ZBTB18: variants seen among roughly 807,000 people sequenced by gnomAD.
ZBTB18 encodes zinc finger and BTB domain-containing protein 18.
In ZBTB18, 2 loss-of-function variants were observed where a neutral mutation model predicts 37.7. The observed-to-expected ratio is 0.05, with a 90% CI of 0.02 to 0.17. The LOEUF is 0.17. Among genes scored for constraint, ZBTB18 ranks in the 10% least tolerant of loss-of-function variants. ZBTB18 has a pLI of 1.00. For missense variants in ZBTB18, 408 were observed against 686.3 expected (o/e 0.59, Z 4.53); for synonymous variants, 304 against 276.5 (o/e 1.10, Z -0.99).
At chr1:244,049,568 C>G (rs926049730), upstream of ZBTB18, among the ~76,000 whole-genome samples, 1 of 152,130 alleles carries the variant, frequency 6.6e-6, no homozygotes, top group Non-Finnish European at 1.5e-5. Context: ...CTCCCGCTGG[C>G]TGCTTCTTAC....
chr1:244,055,489 CTTGTTT>C lies in ZBTB18; in HGVS notation c.*123_*128del, dbSNP rs1698445573. 3.4e-6 allele frequency: 1 copy of C among 291,462 alleles called. No individual in the cohort carries two copies. The highest frequency in any genetic ancestry group is 2.3e-5 in the African/African-American group (1 of 44,260). The allele number at this position is 291,462 out of a possible 1,614,324, so 18.1% of individuals were successfully genotyped here. ...TGGAAATAAAAAGTTGGGATATTAA[CTTGTTT>C]TTGCACTTTAGAATAGCATGAGAAT... On this transcript the variant is annotated 3_prime_UTR_variant, in exon 2 of 2. Transcript: ENST00000358704. The surrounding 1 kb of genome is among the most constrained non-coding windows in gnomAD (Gnocchi z 7.0).
rs1317086567 is a variant in ZBTB18, at chr1:244,056,911, C to T, written c.*1541C>T. The T allele has an allele frequency of 6.0e-6, 1 of 166,856 alleles. No homozygotes were observed. Among genetic ancestry groups the T allele is most frequent in the Non-Finnish European group, 1.5e-5 (1 of 68,084 alleles). The allele number at this position is 166,856 out of a possible 1,614,324, so 10.3% of individuals were successfully genotyped here. ...AGGTCTATGGGAGTAGCATGGAAAA[C>T]GTTTGCTGTTTTTCCCTTTTTTTTT... On this transcript the variant is annotated 3_prime_UTR_variant, in exon 2 of 2. Transcript: ENST00000358704.
rs754255213 is a variant in ZBTB18 at position 244,055,025 on chromosome 1, C to T, written c.1251C>T (p.Asn417=). The change falls in exon 2 of 2, where the codon AAC becomes AAT. Residue 417 remains asparagine (N), a synonymous_variant. Coordinates refer to ENST00000358704, the MANE Select transcript of ZBTB18 (RefSeq NM_205768.3). This position sits in a 1 kb window ranked among gnomAD's most constrained non-coding sequence, Gnocchi z 7.0. ...GCAGCAAGCCCGCCGCCGATGTCAA[C>T]GTGCCCACGTGCTCGCTGTGTGGGA... is the stretch of plus-strand genomic sequence containing the variant. The part of the protein sequence containing the change: ...GIRSKPAADV[N]VPTCSLCGKT... 1.8e-5 allele frequency: 29 copies of T among 1,614,106 alleles called. No homozygotes were observed. The highest frequency in any genetic ancestry group is 1.6e-4 in the Middle Eastern group (1 of 6,084).
At chr1:244,048,856 G>C (rs1698288467), upstream of ZBTB18, 1 of 147,742 alleles carries the variant, frequency 6.8e-6, no homozygotes, top group Non-Finnish European at 1.5e-5. Flanking sequence ...TTGGGGGGTG[G>C]GGGGGCCGGG....
chr1:244,051,530 C>G, intron 1 of ZBTB18, 86 bp downstream of exon 1: 2 of 1,509,412 alleles, frequency 1.3e-6, no homozygotes, highest in Non-Finnish European at 1.8e-6. Context: ...ACTTTTCTAA[C>G]CCAGTTTAGG....
rs768630748 is a variant in ZBTB18, at chr1:244,053,864, T to G, written c.90T>G (p.Gly30=). The G allele has an allele frequency of 3.3e-5, 53 of 1,613,896 alleles. No homozygotes were observed. The highest frequency in any genetic ancestry group is 4.4e-5 in the Non-Finnish European group (52 of 1,180,006). Residue 30 remains glycine, a synonymous_variant, in exon 2 of 2, where the codon GGT becomes GGG. Coordinates refer to ENST00000358704, the MANE Select transcript of ZBTB18 (RefSeq NM_205768.3). The surrounding 1 kb of genome is among the most constrained non-coding windows in gnomAD (Gnocchi z 5.2). ...GTCTGAGCGAGCAGAGACACCAGGG[T>G]TTTCTTTGTGACTGCACTGTTCTGG... ...LQCLSEQRHQ[G]FLCDCTVLVG... is the part of the protein sequence containing the mutation.
rs1392132703 is a variant in ZBTB18, at chr1:244,057,074, T to G, written c.*1704T>G. 1 of 167,076 alleles carries G rather than the reference T, an allele frequency of 6.0e-6. No homozygotes were observed. Among genetic ancestry groups the G allele is most frequent in the African/African-American group, 2.4e-5 (1 of 41,462 alleles). The allele number at this position is 167,076 out of a possible 1,614,324, so 10.3% of individuals were successfully genotyped here. On this transcript the variant is annotated 3_prime_UTR_variant, in exon 2 of 2. Transcript: ENST00000358704. ...ATATTTGGTTAAATGTGTGTTAATT[T>G]GGCTGTAATGGCATTTAAAGCAAAC... is the stretch of plus-strand genomic sequence containing the variant.
chr1:244,054,243 A>T lies in ZBTB18; in HGVS notation c.469A>T (p.Ser157Cys), dbSNP rs1461567473. ...SDKVESLSDG[S>C]SHIAGDLPSD... ...CAAAGTCGAGAGTCTCTCCGATGGC[A>T]GCAGCCACATAGCAGGCGATTTGCC... Residue 157 changes from serine (S) to cysteine (C), a missense_variant, in exon 2 of 2, where the codon AGC becomes TGC. Around this residue, in one of 4 missense-constraint regions of ZBTB18, gnomAD observed 95 missense variants for 218.7 expected, o/e 0.43. Coordinates refer to ENST00000358704, the MANE Select transcript of ZBTB18 (RefSeq NM_205768.3). The surrounding 1 kb of genome is among the most constrained non-coding windows in gnomAD (Gnocchi z 9.0). 1.2e-6 allele frequency: 2 copies of T among 1,614,230 alleles called. No individual in the cohort carries two copies. The highest frequency in any genetic ancestry group is 3.3e-5 in the Admixed American group (2 of 60,026).
chr1:244,050,407 T>A (rs1698323841), upstream of ZBTB18, among the ~76,000 whole-genome samples: 1 of 147,952 alleles, frequency 6.8e-6, no homozygotes, highest in Non-Finnish European at 1.5e-5. Context: ...ACACAAAGAT[T>A]TTCTTGTGAT....
intron 1 of ZBTB18, among the ~76,000 whole-genome samples, chr1:244,052,780 C>G (rs1321046616): frequency 2.0e-5 from 3 of 148,770 alleles, no homozygotes; most frequent in African/African-American, 7.5e-5. Context: ...TAAGGCAGAA[C>G]CAGGAAAAAA....
intron 1 of ZBTB18, 77 bp downstream of exon 1, chr1:244,051,521 C>G: frequency 1.3e-6 from 2 of 1,543,612 alleles, no homozygotes; most frequent in Non-Finnish European, 1.8e-6. Flanking sequence ...AATCACATTA[C>G]TTTTCTAACC....
upstream of ZBTB18, among the ~76,000 whole-genome samples, chr1:244,048,708 C>T (rs1228268715): frequency 1.4e-5 from 2 of 142,496 alleles, no homozygotes; most frequent in Non-Finnish European, 3.1e-5. Flanking sequence ...CTGTGTCTGG[C>T]AGGCTGCGGC....
At chr1:244,050,051 C>T (rs1345026015), upstream of ZBTB18, among the ~76,000 whole-genome samples, 1 of 152,214 alleles carries the variant, frequency 6.6e-6, no homozygotes, top group Non-Finnish European at 1.5e-5. Context: ...AATTATGTCA[C>T]TCACCGCGAA....
upstream of ZBTB18, among the ~76,000 whole-genome samples, chr1:244,049,425 G>A (rs1045681866): frequency 6.9e-6 from 1 of 145,172 alleles, no homozygotes; most frequent in African/African-American, 2.5e-5. Context: ...CGGCTCCGGG[G>A]ACCGGTGCAG....
In ZBTB18 at chr1:244,054,521, G is replaced by A; in HGVS notation, c.747G>A (p.Leu249=). 1.2e-6 allele frequency: 2 copies of A among 1,614,250 alleles called. No individual in the cohort carries two copies. The highest frequency in any genetic ancestry group is 1.7e-6 in the Non-Finnish European group (2 of 1,180,046). The change falls in exon 2 of 2, where the codon CTG becomes CTA. Residue 249 remains leucine (L), a synonymous_variant. Coordinates refer to ENST00000358704, the MANE Select transcript of ZBTB18 (RefSeq NM_205768.3). The surrounding 1 kb of genome is among the most constrained non-coding windows in gnomAD (Gnocchi z 9.0). ...ATTCGGCAGATGTTGACTGTGTGCT[G>A]GACCTGTCTGTCAAGTCCAGCCTTT... The part of the protein sequence containing the change: ...VRDSADVDCV[L]DLSVKSSLSG...
chr1:244,055,423 T>C lies in ZBTB18; in HGVS notation c.*53T>C. 1 of 629,748 alleles carries C rather than the reference T, an allele frequency of 1.6e-6. No homozygotes were observed. Among genetic ancestry groups the C allele is most frequent in the Non-Finnish European group, 2.2e-6 (1 of 457,814 alleles). 39.0% of individuals were successfully genotyped at this position (629,748 alleles called of 1,614,324 possible). ...ATATATACATATATATAAATAGATC[T>C]CTATATAGTTGTGGTACGGTCTAAA... On this transcript the variant is annotated 3_prime_UTR_variant, in exon 2 of 2. Coordinates refer to ENST00000358704, the MANE Select transcript of ZBTB18 (RefSeq NM_205768.3). This position sits in a 1 kb window ranked among gnomAD's most constrained non-coding sequence, Gnocchi z 7.0.
Position 244,055,196 on chromosome 1 carries a change from G to T in ZBTB18, c.1422G>T (p.Pro474=), listed in dbSNP as rs371109690. The T allele has an allele frequency of 6.2e-7, 1 of 1,613,936 alleles. No homozygotes were observed. The highest frequency in any genetic ancestry group is 8.5e-7 in the Non-Finnish European group (1 of 1,180,026). Residue 474 remains proline, a synonymous_variant, in exon 2 of 2, where the codon CCG becomes CCT. Transcript: ENST00000358704. This position sits in a 1 kb window ranked among gnomAD's most constrained non-coding sequence, Gnocchi z 7.0. ...CCGTGGTGCACACCCGCGAGAAGCC[G>T]CACGCCTGCAAGTGGTGCGAGCGCA... ...RHAVVHTREK[P]HACKWCERRF...
chr1:244,053,487 A>G lies in ZBTB18; in HGVS notation c.14-301A>G, dbSNP rs1205705997. On this transcript the variant is annotated intron_variant, in intron 1 of 1. Coordinates refer to ENST00000358704, the MANE Select transcript of ZBTB18 (RefSeq NM_205768.3). The surrounding 1 kb of genome is among the most constrained non-coding windows in gnomAD (Gnocchi z 5.2). Reference sequence around the variant, plus strand: ...ATTAAATTTCTTCTGGAAGAGATCTAAATTCTTATTCTTAGTGAGAGACTG... The same window carrying G: ...ATTAAATTTCTTCTGGAAGAGATCTGAATTCTTATTCTTAGTGAGAGACTG... Among the ~76,000 whole-genome samples the G allele has an allele frequency of 1.3e-5, 2 of 151,916 alleles. No homozygotes were observed. Among genetic ancestry groups the G allele is most frequent in the East Asian group, 3.9e-4 (2 of 5,180 alleles).
Position 244,056,685 on chromosome 1 carries a change from A to G in ZBTB18, c.*1315A>G, listed in dbSNP as rs1255045041. 18 of 21,678 alleles carry G rather than the reference A, an allele frequency of 8.3e-4. No individual in the cohort carries two copies. The allele number at this position is 21,678 out of a possible 1,614,324, so 1.3% of individuals were successfully genotyped here. On this transcript the variant is annotated 3_prime_UTR_variant, in exon 2 of 2. Coordinates refer to ENST00000358704, the MANE Select transcript of ZBTB18 (RefSeq NM_205768.3). ...CCCCCCACCACCACCCTCCACCCCC[A>G]ACTCATGAAAAGATTCTATGGACTG...
Sources: gnomAD v4.1 joint callset for allele counts (sites outside exome capture counted in the v4.1 genomes callset) on GRCh38, gnomAD v4.1.1 for gene constraint, gnomAD v4.1.1 regional missense constraint, Gnocchi (gnomAD v3.1) non-coding constraint, MANE v1.5 for transcripts, NCBI Gene and HGNC (gene_info 2026-07-23, HGNC 2026-07-21) for gene names.